Variants in MPO observed in about 807,000 individuals in gnomAD.
MPO encodes myeloperoxidase.
In MPO, 57 loss-of-function variants were observed where a neutral mutation model predicts 69.4. The ratio of observed to expected loss-of-function variants is 0.82; its 90% CI spans 0.66 to 1.02. The LOEUF (loss-of-function observed/expected upper bound fraction) is 1.02. Ranked by LOEUF, MPO falls within the 50% of genes least tolerant of loss-of-function variation. The pLI is 0.00. For synonymous variants in MPO, 426 were observed against 417.1 expected (o/e 1.02, Z -0.26); for missense variants, 971 against 1,014.1 (o/e 0.96, Z 0.58).
Position 58,279,356 on chromosome 17 carries a change from A to AGCCGTCCTCATACTCC in MPO, c.603_618dup (p.Phe207GlyfsTer3). On this transcript the variant is annotated stop_gained and frameshift_variant, in exon 5 of 12. Coordinates refer to ENST00000225275, the MANE Select transcript of MPO (RefSeq NM_000250.2). LOFTEE classifies it high-confidence loss of function. ...GGCGTCCAGCCGTAGGGAAGAGAGA[A>AGCCGTCCTCATACTCC]GCCGTCCTCATACTCCGCCGGCAGC... The AGCCGTCCTCATACTCC allele has an allele frequency of 6.3e-7, 1 of 1,589,014 alleles. No individual in the cohort carries two copies. The highest frequency in any genetic ancestry group is 8.6e-7 in the Non-Finnish European group (1 of 1,167,742).
In MPO at chr17:58,278,152, C is replaced by T; in HGVS notation, c.886-7G>A. 1.2e-6 allele frequency: 2 copies of T among 1,600,346 alleles called. No homozygotes were observed. The highest frequency in any genetic ancestry group is 8.5e-7 in the Non-Finnish European group (1 of 1,179,876). On this transcript the variant is annotated splice_region_variant and splice_polypyrimidine_tract_variant and intron_variant, in intron 6 of 11. Coordinates refer to ENST00000225275, the MANE Select transcript of MPO (RefSeq NM_000250.2). ...GGGGGTCATTGGGCGGGATCTGAGG[C>T]ACAGAGAGAGGCTAGACTGGCTCAC...
chr17:58,272,768 C>T lies in MPO; in HGVS notation c.1772G>A (p.Ser591Asn). The T allele has an allele frequency of 2.5e-6, 4 of 1,614,108 alleles. No homozygotes were observed. The highest frequency in any genetic ancestry group is 3.4e-6 in the Non-Finnish European group (4 of 1,180,034). The stretch of plus-strand genomic sequence containing the variant: ...CTCACCTGGGAGGCCGTGGTCCCTG[C>T]TGCGCTGCATGTTCAGAGCAGGCAG... ...LDLPALNMQR[S>N]RDHGLPGYNA... is the part of the protein sequence containing the mutation. Residue 591 changes from serine (S) to asparagine (N), a missense_variant, in exon 10 of 12, where the codon AGC becomes AAC. Transcript: ENST00000225275.
rs1164665358 is a variant in MPO, at chr17:58,275,430, T to C, written c.1365+112A>G. ...ATGTATTATAATCCTTACAGCCTCA[T>C]GGATGAAGAAGGCAAGGCTCAGGAG... On this transcript the variant is annotated intron_variant, in intron 8 of 11. Coordinates refer to ENST00000225275, the MANE Select transcript of MPO (RefSeq NM_000250.2). This position sits in a 1 kb window ranked among gnomAD's most constrained non-coding sequence, Gnocchi z 4.1. The C allele has an allele frequency of 8.1e-6, 11 of 1,356,204 alleles. No homozygotes were observed. The highest frequency in any genetic ancestry group is 1.2e-5 in the Non-Finnish European group (11 of 953,702). 84.0% of individuals were successfully genotyped at this position (1,356,204 alleles called of 1,614,324 possible). A position where few individuals can be genotyped will look rare whatever the true frequency, so the allele number is the denominator to read the frequency against.
In MPO at chr17:58,270,744, A is replaced by T; in HGVS notation, c.2150T>A (p.Ile717Asn). The T allele has an allele frequency of 1.2e-6, 2 of 1,614,112 alleles. No individual in the cohort carries two copies. The highest frequency in any genetic ancestry group is 1.7e-6 in the Non-Finnish European group (2 of 1,180,006). Residue 717 changes from isoleucine to asparagine, a missense_variant, in exon 12 of 12, where the codon ATC becomes AAC. Ile to Asn is a moderately radical substitution (Grantham distance 149). Transcript: ENST00000225275. This position sits in a 1 kb window ranked among gnomAD's most constrained non-coding sequence, Gnocchi z 4.1. ...CCGGGGATATGAGTTGGACATGAAG[A>T]TGTTGTTCTTAGACACGGTGGTGAT... ...TGITTVSKNN[I>N]FMSNSYPRDF...
chr17:58,273,031 C>T, intron 9 of MPO, 113 bp from the exon 10 acceptor site: 2 of 1,349,104 alleles, frequency 1.5e-6, no homozygotes, highest in Non-Finnish European at 2.1e-6. Context: ...GAGGGCTGGG[C>T]ACAAGCAGTG....
chr17:58,277,751 G>T (rs1381306585), intron 7 of MPO, 76 bp downstream of exon 7: 5 of 1,585,550 alleles, frequency 3.2e-6, no homozygotes, highest in Non-Finnish European at 3.4e-6. Flanking sequence ...CCCACAAGCT[G>T]CTCACAAACA....
At chr17:58,271,535 A>T (rs546350433) in intron 11 of MPO, 120 bp downstream of exon 11, 1 of 1,011,422 alleles carries the variant, frequency 9.9e-7, no homozygotes, top group African/African-American at 1.6e-5. Flanking sequence ...TTCCTGGAAC[A>T]CACTGGAAAA....
rs1970458412 is a variant in MPO at position 58,277,885 on chromosome 17, C to A, written c.1146G>T (p.Leu382=). 2 of 1,610,176 alleles carry A rather than the reference C, an allele frequency of 1.2e-6. No individual in the cohort carries two copies. Among genetic ancestry groups the A allele is most frequent in the Non-Finnish European group, 1.7e-6 (2 of 1,180,026 alleles). ...NGRALLPFDN[L]HDDPCLLTNR... ...TGGTGAGGAGACAGGGGTCATCGTG[C>A]AGGTTGTCAAAGGGCAGCAGGGCCC... Residue 382 remains leucine, a synonymous_variant, in exon 7 of 12, where the codon CTG becomes CTT. Transcript: ENST00000225275.
At chr17:58,278,693 G>A (rs1470168161) in intron 6 of MPO, 2 of 496,708 alleles carry the variant, frequency 4.0e-6, no homozygotes, top group Non-Finnish European at 7.4e-6. Context: ...TCTCCTCCCA[G>A]AACCCTCTCC....
At chr17:58,279,273 C>T (rs1467236482) in intron 5 of MPO, 24 bp downstream of exon 5, 1 of 1,562,584 alleles carries the variant, frequency 6.4e-7, no homozygotes, top group Non-Finnish European at 8.7e-7. Context: ...CCGGGCCTCG[C>T]CCCCTCTGCC....
rs1474187527 is a variant in MPO, at chr17:58,271,777, C to T, written c.1908G>A (p.Thr636=). ...LARKLMEQYG[T]PNNIDIWMGG... ...CCATCCAGATGTCGATGTTGTTGGG[C>T]GTGCCATACTGCTCCATCAGTTTCC... is the stretch of plus-strand genomic sequence containing the variant. Residue 636 remains threonine, a synonymous_variant, in exon 11 of 12, where the codon ACG becomes ACA. Transcript: ENST00000225275. 8 of 1,614,018 alleles carry T rather than the reference C, an allele frequency of 5.0e-6. No homozygotes were observed. Among genetic ancestry groups the T allele is most frequent in the Non-Finnish European group, 5.9e-6 (7 of 1,180,058 alleles).
Position 58,272,818 on chromosome 17 carries a change from C to T in MPO, c.1722G>A (p.Glu574=), listed in dbSNP as rs781130824. The change falls in exon 10 of 12, where the codon GAG becomes GAA. Residue 574 remains glutamate (E), a synonymous_variant. Coordinates refer to ENST00000225275, the MANE Select transcript of MPO (RefSeq NM_000250.2). The part of the protein sequence containing the change: ...AVDEIRERLF[E]QVMRIGLDLP... ...GGTCCAGCCCAATCCTCATGACCTG[C>T]TCAAACAATCGCTCCCGGATCTCAT... 2.5e-6 allele frequency: 4 copies of T among 1,614,222 alleles called. No homozygotes were observed. The highest frequency in any genetic ancestry group is 3.4e-6 in the Non-Finnish European group (4 of 1,180,042).
chr17:58,269,860 G>A lies in MPO; in HGVS notation c.*796C>T, dbSNP rs1970345623. 2 of 152,758 alleles carry A rather than the reference G, an allele frequency of 1.3e-5. No individual in the cohort carries two copies. The highest frequency in any genetic ancestry group is 6.5e-5 in the Admixed American group (1 of 15,336). 9.5% of individuals were successfully genotyped at this position (152,758 alleles called of 1,614,324 possible). ...CTCCTCAGACACAGACAGAGTGGAG[G>A]TCCCCATCAGCGGTGCCTTTATTAT... On this transcript the variant is annotated 3_prime_UTR_variant, in exon 12 of 12. Transcript: ENST00000225275.
In MPO at chr17:58,280,785, C is replaced by T. The variant is rs1449279003; in HGVS notation, c.-27G>A. 1 of 1,613,644 alleles carries T rather than the reference C, an allele frequency of 6.2e-7. No individual in the cohort carries two copies. The highest frequency in any genetic ancestry group is 8.5e-7 in the Non-Finnish European group (1 of 1,179,810). ...TCTCTTCTCCTGGGCTGCTCAATCC[C>T]CCTTTGTACCTCAGCCCCACCTCAG... On this transcript the variant is annotated 5_prime_UTR_variant, in exon 1 of 12. Coordinates refer to ENST00000225275, the MANE Select transcript of MPO (RefSeq NM_000250.2).
Position 58,277,917 on chromosome 17 carries a change from T to C in MPO, c.1114A>G (p.Asn372Asp), listed in dbSNP as rs1317683344. ...LLAVNQRFQD[N>D]GRALLPFDNL... is the part of the protein sequence containing the mutation. ...TCAAAGGGCAGCAGGGCCCGGCCGT[T>C]GTCTTGGAAGCGCTGGTTGACGGCC... Residue 372 changes from asparagine (N) to aspartate (D), a missense_variant, in exon 7 of 12, where the codon AAC (asparagine) becomes GAC (aspartate). Asn to Asp is a conservative substitution (Grantham distance 23). Transcript: ENST00000225275. 6.2e-7 allele frequency: 1 copy of C among 1,612,382 alleles called. No individual in the cohort carries two copies. The highest frequency in any genetic ancestry group is 2.2e-5 in the East Asian group (1 of 44,886).
intron 2 of MPO, 161 bp from the exon 3 acceptor site, chr17:58,280,175 G>A: frequency 9.3e-7 from 1 of 1,074,790 alleles, no homozygotes; most frequent in Non-Finnish European, 1.4e-6. Flanking sequence ...TCCAGACAGA[G>A]GCAAGGCTTT....
Position 58,275,605 on chromosome 17 carries a change from G to T in MPO, c.1302C>A (p.Asn434Lys). 1.2e-6 allele frequency: 2 copies of T among 1,614,148 alleles called. No homozygotes were observed. The highest frequency in any genetic ancestry group is 1.7e-6 in the Non-Finnish European group (2 of 1,180,036). The change falls in exon 8 of 12, where the codon AAC (asparagine) becomes AAA (lysine). Residue 434 changes from asparagine to lysine, a missense_variant. Asn to Lys is a moderately conservative substitution (Grantham distance 94). Transcript: ENST00000225275. This position sits in a 1 kb window ranked among gnomAD's most constrained non-coding sequence, Gnocchi z 4.1. ...NRLATELKSL[N>K]PRWDGERLYQ... ...AGAGCCTCTCCCCATCCCACCTAGG[G>T]TTCAGGCTCTTGAGCTCTGTGGCCA...
At chr17:58,274,365 T>C (rs949789292) in intron 8 of MPO, among the ~76,000 whole-genome samples, 2 of 151,416 alleles carry the variant, frequency 1.3e-5, no homozygotes, top group Admixed American at 6.6e-5. Flanking sequence ...TGTGTGTGTG[T>C]GTGTGTGTGT....
chr17:58,280,900 CA>C lies in MPO; in HGVS notation c.-143del. 1.1e-6 allele frequency: 1 copy of C among 937,340 alleles called. No homozygotes were observed. The allele number at this position is 937,340 out of a possible 1,614,324, so 58.1% of individuals were successfully genotyped here. On this transcript the variant is annotated 5_prime_UTR_variant, in exon 1 of 12. Transcript: ENST00000225275. ...TTGCCAGCTGCTGTCATCCAGCTTC[CA>C]AGGACCCCACCTCCACAGCTCACCT... is the stretch of plus-strand genomic sequence containing the variant.
Sources: allele counts gnomAD v4.1 joint callset (sites outside exome capture counted in the v4.1 genomes callset), GRCh38; gene constraint gnomAD v4.1.1; non-coding constraint Gnocchi (gnomAD v3.1); transcripts MANE v1.5; gene names NCBI Gene and HGNC (gene_info 2026-07-23, HGNC 2026-07-21).